Variants in MAST4 observed in about 807,000 individuals in gnomAD.
MAST4 encodes the protein microtubule associated serine/threonine kinase family member 4.
A neutral mutation model predicts 162.7 loss-of-function variants in MAST4; 89 were observed. The observed-to-expected ratio is 0.55, with a 90% CI of 0.46 to 0.65. The LOEUF is 0.65. Ranked by LOEUF, MAST4 falls within the 30% of genes least tolerant of loss-of-function variation. The pLI, the probability that MAST4 is intolerant of heterozygous loss-of-function variation, is 0.00. For missense variants in MAST4, 3,153 were observed against 3,374.0 expected, an observed-to-expected ratio of 0.93 and a Z score of 1.62; for synonymous variants, 1,479 against 1,361.1, an observed-to-expected ratio of 1.09 and a Z score of -1.91.
chr5:66,658,964 G>C (rs181848946), intron 1 of MAST4, among the ~76,000 whole-genome samples: 1 of 152,312 alleles, frequency 6.6e-6, no homozygotes, highest in Non-Finnish European at 1.5e-5. Flanking sequence ...CAAGGCTGCA[G>C]TGAGCTATGA....
chr5:66,628,263 G>C (rs2149417584), intron 1 of MAST4, among the ~76,000 whole-genome samples: 1 of 151,866 alleles, frequency 6.6e-6, no homozygotes, highest in African/African-American at 2.4e-5. Flanking sequence ...CAAACTCCTA[G>C]GTTCAAGCAT....
chr5:67,126,904 C>T (rs1256395442), intron 14 of MAST4, among the ~76,000 whole-genome samples: 1 of 152,144 alleles, frequency 6.6e-6, no homozygotes, highest in Admixed American at 6.5e-5. Context: ...TTGTTTGTGT[C>T]CTCTCTTACT....
chr5:67,156,142 G>A (rs1355777071), intron 26 of MAST4, among the ~76,000 whole-genome samples: 4 of 151,832 alleles, frequency 2.6e-5, no homozygotes, highest in Admixed American at 2.0e-4. Context: ...CTTGTCAATG[G>A]TTTTACGGGA....
At chr5:66,675,375 A>G (rs1174850071) in intron 1 of MAST4, among the ~76,000 whole-genome samples, 3 of 152,162 alleles carry the variant, frequency 2.0e-5, no homozygotes, top group Non-Finnish European at 2.9e-5. Context: ...AGGGAAAGAG[A>G]TTGCCACTGG....
chr5:67,163,315 T>A lies in MAST4; in HGVS notation c.4136T>A (p.Leu1379Gln). ...GCCGGCAACATCCCACTGTCCCCGC[T>A]GGCCCGGACGCCCTCTCCAACCCCG... ...KSAGNIPLSP[L>Q]ARTPSPTPQP... Residue 1379 changes from leucine to glutamine, a missense_variant, in exon 29 of 29, where the codon CTG (leucine) becomes CAG (glutamine). Physicochemically the swap from Leu to Gln is moderately radical, Grantham distance 113. Transcript: ENST00000403625. This position sits in a 1 kb window ranked among gnomAD's most constrained non-coding sequence, Gnocchi z 7.0. The A allele has an allele frequency of 6.2e-7, 1 of 1,613,080 alleles. No homozygotes were observed. Among genetic ancestry groups the A allele is most frequent in the Non-Finnish European group, 8.5e-7 (1 of 1,179,862 alleles).
chr5:66,743,155 T>C (rs1018011300), intron 1 of MAST4, among the ~76,000 whole-genome samples: 3 of 152,242 alleles, frequency 2.0e-5, no homozygotes, highest in African/African-American at 7.2e-5. Flanking sequence ...AGAGCAGCCC[T>C]TGTTCTCTGT....
At chr5:67,098,430 G>A (rs1477318337) in intron 7 of MAST4, among the ~76,000 whole-genome samples, 3 of 152,062 alleles carry the variant, frequency 2.0e-5, no homozygotes, top group Admixed American at 6.6e-5. Context: ...CTACAGAATT[G>A]TATCAGTAGG....
intron 4 of MAST4, among the ~76,000 whole-genome samples, chr5:67,052,287 G>A (rs1366462331): frequency 1.3e-5 from 2 of 152,120 alleles, no homozygotes; most frequent in Non-Finnish European, 2.9e-5. Flanking sequence ...TGACTGTAAT[G>A]TAAATCTGTT....
intron 4 of MAST4, among the ~76,000 whole-genome samples, chr5:67,004,456 T>C (rs1751708839): frequency 2.0e-5 from 3 of 152,190 alleles, no homozygotes; most frequent in African/African-American, 4.8e-5. Flanking sequence ...AGAGCAGCTT[T>C]TTCTATTCAA....
chr5:67,040,466 C>T (rs559461450), intron 4 of MAST4, among the ~76,000 whole-genome samples: 13 of 152,270 alleles, frequency 8.5e-5, no homozygotes, highest in Admixed American at 2.0e-4. Context: ...GTCCACATCC[C>T]ACCTGTCTAC....
Position 66,816,981 on chromosome 5 carries a change from C to T in MAST4, c.642+28187C>T, listed in dbSNP as rs948506151. On this transcript the variant is annotated intron_variant, in intron 3 of 28. Coordinates refer to ENST00000403625, the MANE Select transcript of MAST4 (RefSeq NM_001164664.2). ...CTGTTTTGGACTCTGTTCACCTCGT[C>T]TCTCAAACCTACCCTTACCCTCTAC... 4.6e-5 allele frequency among the ~76,000 whole-genome samples: 7 copies of T among 152,324 alleles called. No individual in the cohort carries two copies. In the South Asian group the frequency reaches 1.5e-3, roughly 32 times the overall value.
Position 66,969,304 on chromosome 5 carries a change from C to T in MAST4, c.674+69322C>T, listed in dbSNP as rs144462990. On this transcript the variant is annotated intron_variant, in intron 4 of 28. Coordinates refer to ENST00000403625, the MANE Select transcript of MAST4 (RefSeq NM_001164664.2). ...GGAGATACTTGAGTTTGGTACTTCA[C>T]AGACTAGGAGTTATGGTGCCTGAGT... Among the ~76,000 whole-genome samples, 355 of 152,278 alleles carry T rather than the reference C, an allele frequency of 2.3e-3. 3 individuals are homozygous for T. Among genetic ancestry groups the T allele is most frequent in the African/African-American group, 8.3e-3 (344 of 41,536 alleles).
chr5:67,141,059 T>A (rs988441405), intron 19 of MAST4, among the ~76,000 whole-genome samples: 2 of 152,174 alleles, frequency 1.3e-5, no homozygotes, highest in African/African-American at 4.8e-5. Context: ...CAGAGTCCAA[T>A]CTTTGATCCA....
chr5:66,679,340 G>A (rs1254791108), intron 1 of MAST4, among the ~76,000 whole-genome samples: 2 of 152,142 alleles, frequency 1.3e-5, no homozygotes, highest in African/African-American at 4.8e-5. Context: ...AATTGCATGT[G>A]GTTAAGTGGG....
At chr5:66,926,486 G>A (rs1475073294) in intron 4 of MAST4, among the ~76,000 whole-genome samples, 1 of 152,118 alleles carries the variant, frequency 6.6e-6, no homozygotes, top group Non-Finnish European at 1.5e-5. Flanking sequence ...AGCAGAGGTT[G>A]CAGTTAGCTG....
chr5:66,809,404 C>T (rs1000887562), intron 3 of MAST4, among the ~76,000 whole-genome samples: 1 of 152,184 alleles, frequency 6.6e-6, no homozygotes, highest in African/African-American at 2.4e-5. Flanking sequence ...TCAACAACAA[C>T]TTGTAGTGTC....
chr5:66,767,503 G>A (rs1422899806), intron 2 of MAST4, among the ~76,000 whole-genome samples: 1 of 152,032 alleles, frequency 6.6e-6, no homozygotes, highest in Admixed American at 6.6e-5. Flanking sequence ...GTAAGATGAG[G>A]ACAGGAAAGT....
rs546219663 is a variant in MAST4 at position 66,645,003 on chromosome 5, G to T, written c.363+47985G>T. Among the ~76,000 whole-genome samples the T allele has an allele frequency of 3.3e-5, 5 of 152,076 alleles. No individual in the cohort carries two copies. The South Asian group carries it at 8.3e-4, about 25-fold the overall frequency. ...TGGGGTCAGTGGATGAGCTTCTTGT[G>T]GGGTGGGGGCTTGGAGGTTGGGGGA... On this transcript the variant is annotated intron_variant, in intron 1 of 28. Transcript: ENST00000403625.
intron 4 of MAST4, among the ~76,000 whole-genome samples, chr5:66,992,676 G>T (rs890039679): frequency 6.6e-6 from 1 of 152,226 alleles, no homozygotes; most frequent in Admixed American, 6.5e-5. Context: ...GGAACGGGCA[G>T]TTGTGAAAGA....
Sources: gnomAD v4.1 joint callset for allele counts (sites outside exome capture counted in the v4.1 genomes callset) on GRCh38, gnomAD v4.1.1 for gene constraint, Gnocchi (gnomAD v3.1) non-coding constraint, MANE v1.5 for transcripts, NCBI Gene and HGNC (gene_info 2026-07-23, HGNC 2026-07-21) for gene names.